The following CDH9 variants were observed in gnomAD, a reference collection of about 807,000 sequenced individuals.
CDH9 encodes the protein cadherin 9.
Under a neutral mutation model 70.9 loss-of-function variants are expected in CDH9, and 28 were observed. That is an observed-to-expected ratio of 0.40 (90% confidence interval 0.29 to 0.54). The LOEUF is 0.54. CDH9 is among the 20% of genes least tolerant of loss of function. CDH9 has a pLI of 0.59. For missense variants in CDH9, 874 were observed against 984.4 expected (o/e 0.89, Z 1.50); for synonymous variants, 409 against 343.1 (o/e 1.19, Z -2.12).
intron 9 of CDH9, among the ~76,000 whole-genome samples, chr5:26,889,079 G>A (rs1740612291): frequency 1.3e-5 from 2 of 152,012 alleles, no homozygotes; most frequent in Admixed American, 1.3e-4. Flanking sequence ...AAGAAAAACT[G>A]TATTTCAGTT....
At chr5:27,011,101 G>A (rs1033816234) in intron 1 of CDH9, among the ~76,000 whole-genome samples, 3 of 152,054 alleles carry the variant, frequency 2.0e-5, no homozygotes, top group African/African-American at 7.2e-5. Flanking sequence ...TAAAGTTAGA[G>A]GTGGGGGAGA....
intron 11 of CDH9, among the ~76,000 whole-genome samples, chr5:26,882,791 T>C (rs1740488355): frequency 6.6e-6 from 1 of 151,658 alleles, no homozygotes; most frequent in African/African-American, 2.4e-5. Flanking sequence ...GAAGCTATTA[T>C]TCTTTTTCTC....
chr5:26,899,502 G>T (rs930290277), intron 7 of CDH9, among the ~76,000 whole-genome samples: 9 of 152,130 alleles, frequency 5.9e-5, no homozygotes, highest in African/African-American at 2.2e-4. Flanking sequence ...CCTTTGCCGG[G>T]ACATGGATGA....
At chr5:26,931,683 T>C (rs1271660115) in intron 2 of CDH9, among the ~76,000 whole-genome samples, 1 of 152,032 alleles carries the variant, frequency 6.6e-6, no homozygotes, top group Non-Finnish European at 1.5e-5. Flanking sequence ...AATATAAAAA[T>C]TACTACACTT....
intron 2 of CDH9, among the ~76,000 whole-genome samples, chr5:26,937,829 G>A (rs1741586298): frequency 6.6e-6 from 1 of 152,038 alleles, no homozygotes; most frequent in Admixed American, 6.6e-5. Context: ...GAGTTAGGGA[G>A]AGAGGAATAG....
At chr5:27,016,937 A>G (rs1325418069) in intron 1 of CDH9, among the ~76,000 whole-genome samples, 19 of 151,882 alleles carry the variant, frequency 1.3e-4, no homozygotes, top group Non-Finnish European at 2.5e-4. Context: ...AGTGTTAACA[A>G]GTGTTGTCAT....
intron 3 of CDH9, among the ~76,000 whole-genome samples, chr5:26,910,378 G>A (rs1741031052): frequency 6.6e-6 from 1 of 152,154 alleles, no homozygotes; most frequent in Non-Finnish European, 1.5e-5. Context: ...ATAGTATAGA[G>A]AAGGGGAAAT....
chr5:26,921,492 C>T lies in CDH9; in HGVS notation c.229-5568G>A, dbSNP rs189621203. On this transcript the variant is annotated intron_variant, in intron 2 of 11. Coordinates refer to ENST00000231021, the MANE Select transcript of CDH9 (RefSeq NM_016279.4). ...CACTGAGAATCCCACCATCCTGGGACGGGAACTAGGTAAGGACTAAAGCAC... is the reference window on the plus strand; with the variant it reads ...CACTGAGAATCCCACCATCCTGGGATGGGAACTAGGTAAGGACTAAAGCAC... Among the ~76,000 whole-genome samples the T allele has an allele frequency of 8.5e-5, 13 of 152,104 alleles. No individual in the cohort carries two copies. In the East Asian group the frequency reaches 1.2e-3, roughly 14 times the overall value.
chr5:26,935,462 T>C (rs1165578139), intron 2 of CDH9, among the ~76,000 whole-genome samples: 1 of 152,270 alleles, frequency 6.6e-6, no homozygotes, highest in Non-Finnish European at 1.5e-5. Flanking sequence ...TGTGCACATA[T>C]AATATGATTG....
intron 5 of CDH9, among the ~76,000 whole-genome samples, chr5:26,904,438 T>C (rs1471374994): frequency 6.6e-6 from 1 of 152,026 alleles, no homozygotes; most frequent in Non-Finnish European, 1.5e-5. Flanking sequence ...AAGAAAACTT[T>C]AATGTTAATG....
intron 1 of CDH9, among the ~76,000 whole-genome samples, chr5:26,989,508 G>GTCTCTCTCTCTCTC (rs150867847): frequency 6.8e-6 from 1 of 146,784 alleles, no homozygotes; most frequent in African/African-American, 2.5e-5. Context: ...TCTCTTCTCT[G>GTCTCTCTCTCTCTC]TCTCTCTCTC....
chr5:26,971,603 T>C (rs1742219240), intron 2 of CDH9, among the ~76,000 whole-genome samples: 2 of 152,174 alleles, frequency 1.3e-5, no homozygotes, highest in East Asian at 1.9e-4. Context: ...GATATTTGCT[T>C]CTGAAGTTTA....
At chr5:26,944,160 C>T (rs1741707562) in intron 2 of CDH9, among the ~76,000 whole-genome samples, 1 of 151,866 alleles carries the variant, frequency 6.6e-6, no homozygotes, top group Admixed American at 6.6e-5. Flanking sequence ...TCTGTAAATG[C>T]TGCTCTTTAC....
intron 2 of CDH9, among the ~76,000 whole-genome samples, chr5:26,917,466 C>T (rs1170020351): frequency 1.3e-5 from 2 of 152,028 alleles, no homozygotes; most frequent in Non-Finnish European, 2.9e-5. Context: ...GTTATGTTGA[C>T]TTACATCATA....
chr5:26,949,918 A>G (rs1448440892), intron 2 of CDH9, among the ~76,000 whole-genome samples: 2 of 152,222 alleles, frequency 1.3e-5, no homozygotes, highest in Non-Finnish European at 2.9e-5. Context: ...TTAAAAAGAA[A>G]GGTTATGAGA....
chr5:26,947,328 G>A (rs1741771726), intron 2 of CDH9, among the ~76,000 whole-genome samples: 1 of 152,096 alleles, frequency 6.6e-6, no homozygotes, highest in African/African-American at 2.4e-5. Context: ...TGTGAATGAA[G>A]TCCTGAAAAA....
intron 2 of CDH9, among the ~76,000 whole-genome samples, chr5:26,926,694 A>T (rs1438281427): frequency 6.6e-6 from 1 of 152,116 alleles, no homozygotes. Context: ...ACTTCAAACT[A>T]TACTACAAGG....
At chr5:26,886,620 T>C (rs56994542) in intron 9 of CDH9, among the ~76,000 whole-genome samples, 18,181 of 152,146 alleles carry the variant, frequency 0.12, 1,688 homozygotes, top group East Asian at 0.46. Context: ...ATGGACACCA[T>C]TACTATAATT....
intron 2 of CDH9, among the ~76,000 whole-genome samples, chr5:26,981,003 C>T (rs1742389889): frequency 6.6e-6 from 1 of 151,950 alleles, no homozygotes; most frequent in Non-Finnish European, 1.5e-5. Flanking sequence ...AAATACAGTC[C>T]CAACCAGACA....
Sources: allele counts gnomAD v4.1 joint callset (sites outside exome capture counted in the v4.1 genomes callset), GRCh38; gene constraint gnomAD v4.1.1; transcripts MANE v1.5; gene names NCBI Gene and HGNC (gene_info 2026-07-23, HGNC 2026-07-21).